NDST3: variants seen among roughly 807,000 people sequenced by gnomAD.
NDST3 encodes N-deacetylase and N-sulfotransferase 3.
NDST3 carries 58 observed loss-of-function variants against 96.1 expected under a neutral mutation model. The observed-to-expected ratio is 0.60, with a 90% CI of 0.49 to 0.75. The LOEUF (loss-of-function observed/expected upper bound fraction) is 0.75. NDST3 is among the 30% of genes least tolerant of loss of function. NDST3 has a pLI of 0.00. For synonymous variants in NDST3, 333 were observed against 359.7 expected (o/e 0.93, Z 0.84); for missense variants, 788 against 1,034.2 (o/e 0.76, Z 3.27).
chr4:118,052,826 C>T (rs1725158653), intron 1 of NDST3, among the ~76,000 whole-genome samples: 1 of 151,878 alleles, frequency 6.6e-6, no homozygotes, highest in African/African-American at 2.4e-5. Flanking sequence ...ACTCATGTTT[C>T]TTTCTTATTA....
At chr4:118,191,347 C>G (rs1406837415) in intron 6 of NDST3, among the ~76,000 whole-genome samples, 1 of 152,098 alleles carries the variant, frequency 6.6e-6, no homozygotes, top group African/African-American at 2.4e-5. Context: ...TGGAGATTTC[C>G]TTTATAGGTG....
intron 11 of NDST3, among the ~76,000 whole-genome samples, chr4:118,240,988 T>C (rs919833191): frequency 3.9e-5 from 6 of 152,204 alleles, no homozygotes; most frequent in African/African-American, 9.6e-5. Context: ...AAAGAGAACC[T>C]CTTAACCAAA....
chr4:118,147,749 T>A (rs1734056301), intron 6 of NDST3, among the ~76,000 whole-genome samples: 1 of 152,142 alleles, frequency 6.6e-6, no homozygotes, highest in African/African-American at 2.4e-5. Context: ...CTTAGACAGG[T>A]TTGTACTTCT....
At chr4:118,210,460 T>G (rs1342017132) in intron 6 of NDST3, among the ~76,000 whole-genome samples, 1 of 152,062 alleles carries the variant, frequency 6.6e-6, no homozygotes, top group African/African-American at 2.4e-5. Context: ...TTAAAAGGAA[T>G]ATTAGCCTAG....
chr4:118,069,466 C>A (rs925849734), intron 2 of NDST3, among the ~76,000 whole-genome samples: 3 of 151,704 alleles, frequency 2.0e-5, no homozygotes, highest in Non-Finnish European at 4.4e-5. Context: ...TTAGAGTGAG[C>A]CCTGTTTGGG....
chr4:118,138,637 C>A (rs1255654597), intron 5 of NDST3, among the ~76,000 whole-genome samples: 1 of 152,152 alleles, frequency 6.6e-6, no homozygotes, highest in African/African-American at 2.4e-5. Flanking sequence ...CTTCTATTTA[C>A]CATGCCAGGC....
At chr4:118,137,921 C>A in intron 4 of NDST3, 133 bp from the exon 5 acceptor site, 1 of 776,222 alleles carries the variant, frequency 1.3e-6, no homozygotes, top group Non-Finnish European at 1.9e-6. Flanking sequence ...ACTTATATCA[C>A]TTTAATTTTA....
intron 6 of NDST3, among the ~76,000 whole-genome samples, chr4:118,197,633 G>T (rs1737781764): frequency 6.6e-6 from 1 of 150,874 alleles, no homozygotes; most frequent in South Asian, 2.1e-4. Flanking sequence ...AGCTGCTTCT[G>T]CTCTTTTTTG....
Position 118,206,107 on chromosome 4 carries a change from A to G in NDST3, c.1540-18384A>G, listed in dbSNP as rs968203037. Among the ~76,000 whole-genome samples the G allele has an allele frequency of 1.4e-5, 2 of 143,392 alleles. 1 individual carries two copies. The highest frequency in any genetic ancestry group is 5.2e-5 in the African/African-American group (2 of 38,794). 94.1% of individuals were successfully genotyped at this position (143,392 alleles called of 152,430 possible). ...TCGGCCTCCCAAAGTTGGGCTTTCA[A>G]TAGATATGTGTCTCTTGCCACTACC... On this transcript the variant is annotated intron_variant, in intron 6 of 13. Coordinates refer to ENST00000296499, the MANE Select transcript of NDST3 (RefSeq NM_004784.3).
chr4:118,216,176 T>C (rs1000609668), intron 6 of NDST3, among the ~76,000 whole-genome samples: 12 of 152,096 alleles, frequency 7.9e-5, no homozygotes, highest in African/African-American at 2.9e-4. Flanking sequence ...TTTGGGAATC[T>C]GAGGGTAATC....
At chr4:118,191,830 G>A (rs1008390169) in intron 6 of NDST3, among the ~76,000 whole-genome samples, 1 of 152,132 alleles carries the variant, frequency 6.6e-6, no homozygotes, top group Non-Finnish European at 1.5e-5. Flanking sequence ...CATACGGTAA[G>A]CCTATTTTAA....
chr4:118,239,775 G>C (rs761653475), intron 10 of NDST3, among the ~76,000 whole-genome samples: 2 of 152,118 alleles, frequency 1.3e-5, no homozygotes, highest in East Asian at 1.9e-4. Context: ...CAGAAAATTT[G>C]CTATTCAACT....
chr4:118,133,484 C>T (rs548437042), intron 4 of NDST3, among the ~76,000 whole-genome samples: 9 of 152,314 alleles, frequency 5.9e-5, no homozygotes, highest in Admixed American at 3.3e-4. Flanking sequence ...GTCTCTCCAA[C>T]CCTCCTCAAT....
At chr4:118,115,030 T>C (rs1730969461) in intron 4 of NDST3, 70 bp downstream of exon 4, 21 of 1,512,094 alleles carry the variant, frequency 1.4e-5, no homozygotes, top group Admixed American at 5.6e-5. Flanking sequence ...TCTTACATTG[T>C]GGCATAGTTG....
chr4:118,163,596 T>A (rs551247554), intron 6 of NDST3, among the ~76,000 whole-genome samples: 3 of 151,914 alleles, frequency 2.0e-5, no homozygotes, highest in African/African-American at 7.2e-5. Context: ...CTCTGGGGAC[T>A]GTTGTGGGGT....
chr4:118,197,868 C>T (rs1163538015), intron 6 of NDST3, among the ~76,000 whole-genome samples: 3 of 147,398 alleles, frequency 2.0e-5, no homozygotes, highest in South Asian at 2.2e-4. Context: ...GGCACGATCT[C>T]GGCTTGCTGC....
intron 6 of NDST3, among the ~76,000 whole-genome samples, chr4:118,169,568 C>A (rs557842135): frequency 6.6e-6 from 1 of 151,924 alleles, no homozygotes; most frequent in East Asian, 1.9e-4. Flanking sequence ...CTGAGGCAGG[C>A]GGATCACCTG....
At chr4:118,167,618 G>A (rs1735642354) in intron 6 of NDST3, among the ~76,000 whole-genome samples, 1 of 151,892 alleles carries the variant, frequency 6.6e-6, no homozygotes, top group Non-Finnish European at 1.5e-5. Flanking sequence ...TTTTGAGACA[G>A]GAGAACAAAG....
Position 118,149,825 on chromosome 4 carries a change from T to C in NDST3, c.1539+6141T>C, listed in dbSNP as rs150022700. ...GGAGTGGTGAAAGAGGGCATCCCTG[T>C]CTTGTGCCAATTTTTAAAGGGAATG... On this transcript the variant is annotated intron_variant, in intron 6 of 13. Coordinates refer to ENST00000296499, the MANE Select transcript of NDST3 (RefSeq NM_004784.3). Among the ~76,000 whole-genome samples, 1,010 of 152,338 alleles carry C rather than the reference T, an allele frequency of 6.6e-3. 8 individuals carry two copies. Among genetic ancestry groups the C allele is most frequent in the African/African-American group, 0.023 (968 of 41,576 alleles).
Sources: gnomAD v4.1 joint callset for allele counts (sites outside exome capture counted in the v4.1 genomes callset) on GRCh38, gnomAD v4.1.1 for gene constraint, MANE v1.5 for transcripts, NCBI Gene and HGNC (gene_info 2026-07-23, HGNC 2026-07-21) for gene names.